PFKFB3: variants seen among roughly 807,000 people sequenced by gnomAD.
PFKFB3 encodes 6-phosphofructo-2-kinase/fructose-2,6-bisphosphatase 3.
Under a neutral mutation model 68.0 loss-of-function variants are expected in PFKFB3, and 33 were observed. The observed-to-expected ratio is 0.49, with a 90% CI of 0.37 to 0.65. PFKFB3 has a LOEUF of 0.65. Ranked by LOEUF, PFKFB3 falls within the 30% of genes least tolerant of loss-of-function variation. PFKFB3 has a pLI of 0.00. For synonymous variants in PFKFB3, 315 were observed against 288.2 expected (o/e 1.09, Z -0.94); for missense variants, 586 against 712.2 (o/e 0.82, Z 2.02).
rs560732041 is a variant in PFKFB3, at chr10:6,215,412, C to T, written c.299+95C>T. ...TGCAGGAGTAAGGCTGGGCCGCGGG[C>T]GTAGGGCTGGGCTGTGGGAATAAGG... On this transcript the variant is annotated intron_variant, in intron 3 of 14. Transcript: ENST00000379775. This position sits in a 1 kb window ranked among gnomAD's most constrained non-coding sequence, Gnocchi z 4.3. 19 of 899,682 alleles carry T rather than the reference C, an allele frequency of 2.1e-5. No homozygotes were observed. Among genetic ancestry groups the T allele is most frequent in the African/African-American group, 1.7e-4 (10 of 60,408 alleles). 55.7% of individuals were successfully genotyped at this position (899,682 alleles called of 1,614,324 possible). A position where few individuals can be genotyped will look rare whatever the true frequency, so the allele number is the denominator to read the frequency against.
chr10:6,283,215 G>A, the PFKFB3 span, among the ~76,000 whole-genome samples: 17 of 152,152 alleles, frequency 1.1e-4, no homozygotes, highest in African/African-American at 2.2e-4. Flanking sequence ...TGATCCACCC[G>A]CCTCGGCCTC....
intron 1 of PFKFB3, among the ~76,000 whole-genome samples, chr10:6,170,946 C>G (rs572468669): frequency 6.6e-6 from 1 of 152,188 alleles, no homozygotes; most frequent in East Asian, 1.9e-4. Context: ...GCTGGGAAGA[C>G]AGGATACCCT....
At chr10:6,206,594 C>T (rs1395079038) in intron 1 of PFKFB3, among the ~76,000 whole-genome samples, 2 of 138,252 alleles carry the variant, frequency 1.4e-5, no homozygotes, top group African/African-American at 6.7e-5. Flanking sequence ...ACCCCCCCAC[C>T]TCCCTCCCGG....
the PFKFB3 span, among the ~76,000 whole-genome samples, chr10:6,287,280 G>C: frequency 6.6e-6 from 1 of 151,894 alleles, no homozygotes; most frequent in East Asian, 1.9e-4. Flanking sequence ...AGTAGAGACG[G>C]GGTTTCACCA....
chr10:6,254,958 C>G (rs1462843526), downstream of PFKFB3, among the ~76,000 whole-genome samples: 1 of 151,596 alleles, frequency 6.6e-6, no homozygotes, highest in African/African-American at 2.4e-5. Flanking sequence ...GCTGGGATTA[C>G]AGGCACGTGC....
In PFKFB3 at chr10:6,182,996, C is replaced by T. The variant is rs748772722; in HGVS notation, c.17-30627C>T. On this transcript the variant is annotated intron_variant, in intron 1 of 14. Transcript: ENST00000379789. Reference sequence around the variant, plus strand: ...TGGATGGGGCGGTGCCCAGCACGGTCCCTGGCTCCAGGACACAGTGCACAG... The same window carrying T: ...TGGATGGGGCGGTGCCCAGCACGGTTCCTGGCTCCAGGACACAGTGCACAG... Among the ~76,000 whole-genome samples, 3 of 152,164 alleles carry T rather than the reference C, an allele frequency of 2.0e-5. No homozygotes were observed. In the East Asian group the frequency reaches 5.8e-4, roughly 29 times the overall value.
At chr10:6,225,584 ATCACGCTGTCCCTCTCATGG>A (rs1845285848) in intron 13 of PFKFB3, among the ~76,000 whole-genome samples, 1 of 152,196 alleles carries the variant, frequency 6.6e-6, no homozygotes, top group East Asian at 1.9e-4. Flanking sequence ...CCCACACCCC[ATCACGCTGTCCCTCTCATGG>A]GAGGGCTGTG....
chr10:6,198,872 A>AC (rs1843245099), upstream of PFKFB3, among the ~76,000 whole-genome samples: 1 of 152,226 alleles, frequency 6.6e-6, no homozygotes, highest in African/African-American at 2.4e-5. Context: ...TTATCCATTT[A>AC]CCTACCAAAG....
intron 1 of PFKFB3, among the ~76,000 whole-genome samples, chr10:6,203,949 G>C (rs1843512275): frequency 6.6e-6 from 1 of 152,086 alleles, no homozygotes; most frequent in Non-Finnish European, 1.5e-5. Flanking sequence ...AGTGCCATGG[G>C]GGCGCCCGTG....
intron 14 of PFKFB3, among the ~76,000 whole-genome samples, chr10:6,249,786 T>C (rs894646762): frequency 6.6e-6 from 1 of 152,084 alleles, no homozygotes; most frequent in Non-Finnish European, 1.5e-5. Context: ...ATGGTGACTA[T>C]AGAAAATAAT....
intron 1 of PFKFB3, among the ~76,000 whole-genome samples, chr10:6,208,768 G>C (rs546473453): frequency 3.9e-5 from 6 of 152,112 alleles, no homozygotes; most frequent in Non-Finnish European, 8.8e-5. Context: ...GTAGGAACCC[G>C]GGGGTGCCAG....
In PFKFB3 at chr10:6,215,526, C is replaced by T. The variant is rs888201204; in HGVS notation, c.299+209C>T. ...AGGCTCTGTAGGAGGCAGAGAAAGC[C>T]GGCCTGCGGGTGGGTCCTGCTGGTG... On this transcript the variant is annotated intron_variant, in intron 3 of 14. Coordinates refer to ENST00000379775, the MANE Select transcript of PFKFB3 (RefSeq NM_004566.4). The surrounding 1 kb of genome is among the most constrained non-coding windows in gnomAD (Gnocchi z 4.3). Among the ~76,000 whole-genome samples, 10 of 152,138 alleles carry T rather than the reference C, an allele frequency of 6.6e-5. No individual in the cohort carries two copies. In the East Asian group the frequency reaches 1.4e-3, roughly 21 times the overall value.
intron 1 of PFKFB3, among the ~76,000 whole-genome samples, chr10:6,179,752 A>C (rs576022687): frequency 6.6e-6 from 1 of 152,278 alleles, no homozygotes; most frequent in African/African-American, 2.4e-5. Context: ...TTTTCTGAGC[A>C]TGCAGACGCC....
the PFKFB3 span, among the ~76,000 whole-genome samples, chr10:6,260,063 G>A: frequency 1.3e-3 from 197 of 152,248 alleles, no homozygotes; most frequent in Admixed American, 2.8e-3. Flanking sequence ...CATGGAAAAT[G>A]TAAAGTATGG....
intron 8 of PFKFB3, 41 bp from the exon 9 acceptor site, chr10:6,221,340 C>T (rs746008708): frequency 2.7e-5 from 44 of 1,608,866 alleles, no homozygotes; most frequent in Admixed American, 1.2e-4. Context: ...GGAGGAGCTG[C>T]GGGCATCTGG....
the PFKFB3 span, among the ~76,000 whole-genome samples, chr10:6,300,353 A>T: frequency 6.6e-6 from 1 of 152,140 alleles, no homozygotes; most frequent in Non-Finnish European, 1.5e-5. Flanking sequence ...GGCACGTAAC[A>T]GATGTTTAAT....
At chr10:6,149,869 T>G (rs1013445690) in intron 1 of PFKFB3, 1 of 152,490 alleles carries the variant, frequency 6.6e-6, no homozygotes, top group African/African-American at 2.4e-5. Context: ...CAAAATGCAC[T>G]GTGTGACCTT....
chr10:6,231,132 A>G lies in PFKFB3; in HGVS notation c.1516-1763A>G. On this transcript the variant is annotated intron_variant, in intron 14 of 14. Coordinates refer to ENST00000379775, the MANE Select transcript of PFKFB3 (RefSeq NM_004566.4). ...TGTGCCGGCTGCTTGGGATCGAGAG[A>G]TCACCTGGCATTTGTGATGCAACCT... 3 of 719,306 alleles carry G rather than the reference A, an allele frequency of 4.2e-6. No homozygotes were observed. In the South Asian group the frequency reaches 4.8e-5, roughly 11 times the overall value. The allele number at this position is 719,306 out of a possible 1,614,324, so 44.6% of individuals were successfully genotyped here.
intron 1 of PFKFB3, among the ~76,000 whole-genome samples, chr10:6,174,488 C>T (rs116996777): frequency 0.011 from 1,651 of 152,318 alleles, 70 homozygotes; most frequent in East Asian, 0.099. Flanking sequence ...TTCCGTGGCC[C>T]GGGCTGACCT....
Sources: allele counts gnomAD v4.1 joint callset (sites outside exome capture counted in the v4.1 genomes callset), GRCh38; gene constraint gnomAD v4.1.1; non-coding constraint Gnocchi (gnomAD v3.1); transcripts MANE v1.5; gene names NCBI Gene and HGNC (gene_info 2026-07-23, HGNC 2026-07-21).